NLGN1: variants seen among roughly 807,000 people sequenced by gnomAD.
The protein encoded by NLGN1 is neuroligin 1, also known as neuroligin-1.
In NLGN1, 12 loss-of-function variants were observed where a neutral mutation model predicts 65.5. The observed-to-expected ratio is 0.18, with a 90% confidence interval of 0.12 to 0.30. NLGN1 has a LOEUF of 0.30. Ranked by LOEUF, NLGN1 falls within the 10% of genes least tolerant of loss-of-function variation. The probability of loss-of-function intolerance (pLI) is 1.00; values close to 1 mark genes in which losing one functional copy is unlikely to be tolerated. For missense variants in NLGN1, 750 were observed against 1,007.1 expected (o/e 0.74, Z 3.46); for synonymous variants, 350 against 359.5 (o/e 0.97, Z 0.30).
chr3:174,293,691 G>T, the NLGN1 span, among the ~76,000 whole-genome samples: 1 of 151,552 alleles, frequency 6.6e-6, no homozygotes, highest in Non-Finnish European at 1.5e-5. Context: ...TAGATTCAGG[G>T]GTGAGAGGAA....
At chr3:174,248,715 C>T (rs182484720) in intron 4 of NLGN1, among the ~76,000 whole-genome samples, 7 of 152,168 alleles carry the variant, frequency 4.6e-5, no homozygotes, top group African/African-American at 1.7e-4. Context: ...GGGCCGAGAT[C>T]GTGCCACTGC....
At chr3:173,655,970 G>A (rs1759961620) in intron 3 of NLGN1, among the ~76,000 whole-genome samples, 1 of 152,072 alleles carries the variant, frequency 6.6e-6, no homozygotes, top group Non-Finnish European at 1.5e-5. Context: ...AGTGGCAGTG[G>A]GCCCAAGCAT....
chr3:173,605,910 CT>C (rs1344609046), intron 3 of NLGN1, among the ~76,000 whole-genome samples: 2 of 152,024 alleles, frequency 1.3e-5, no homozygotes, highest in African/African-American at 4.8e-5. Flanking sequence ...CAAAACAATG[CT>C]GTCTTAGGAA....
At chr3:173,943,999 A>G (rs985514254) in intron 4 of NLGN1, among the ~76,000 whole-genome samples, 2 of 152,220 alleles carry the variant, frequency 1.3e-5, no homozygotes, top group African/African-American at 4.8e-5. Context: ...ATGAGTGACT[A>G]TTTGACAGAC....
chr3:173,991,802 G>T (rs180756464), intron 4 of NLGN1, among the ~76,000 whole-genome samples: 2,189 of 152,036 alleles, frequency 0.014, 35 homozygotes, highest in African/African-American at 0.044. Context: ...GTGTTTTTTT[G>T]TTGTTGTTGT....
At chr3:173,502,932 A>C (rs1418957643) in intron 2 of NLGN1, among the ~76,000 whole-genome samples, 1 of 152,106 alleles carries the variant, frequency 6.6e-6, no homozygotes, top group Non-Finnish European at 1.5e-5. Flanking sequence ...TAGTTACATA[A>C]ACTAAAGTTG....
At chr3:174,226,661 A>G (rs1739763961) in intron 4 of NLGN1, among the ~76,000 whole-genome samples, 1 of 152,162 alleles carries the variant, frequency 6.6e-6, no homozygotes, top group African/African-American at 2.4e-5. Flanking sequence ...CTTTTTAAGT[A>G]TTTTACAACA....
intron 2 of NLGN1, among the ~76,000 whole-genome samples, chr3:173,445,874 G>A (rs1172122802): frequency 6.6e-6 from 1 of 152,086 alleles, no homozygotes; most frequent in African/African-American, 2.4e-5. Context: ...CAATATGATT[G>A]CTCTTCTTTA....
chr3:174,272,665 G>GGATGGATAGATAGATA (rs1467184414), intron 4 of NLGN1, among the ~76,000 whole-genome samples: 12 of 116,656 alleles, frequency 1.0e-4, no homozygotes, highest in South Asian at 5.7e-4. Flanking sequence ...ATGGATGGAT[G>GGATGGATAGATAGATA]GATAGATAGA....
intron 4 of NLGN1, among the ~76,000 whole-genome samples, chr3:174,002,003 T>G (rs1415518231): frequency 6.8e-6 from 1 of 147,822 alleles, no homozygotes; most frequent in African/African-American, 2.5e-5. Context: ...AATATGGGAG[T>G]CATGGATGAA....
At chr3:173,657,726 C>A (rs1318164538) in intron 3 of NLGN1, among the ~76,000 whole-genome samples, 4 of 151,794 alleles carry the variant, frequency 2.6e-5, no homozygotes. Flanking sequence ...AGCCCCAGAT[C>A]TGGTTACTTT....
intron 2 of NLGN1, among the ~76,000 whole-genome samples, chr3:173,569,902 C>T (rs895189950): frequency 3.3e-5 from 5 of 151,330 alleles, no homozygotes; most frequent in African/African-American, 1.2e-4. Flanking sequence ...TAGCAGATAG[C>T]ATTCATTCAT....
At chr3:173,911,626 G>A (rs988078067) in intron 4 of NLGN1, among the ~76,000 whole-genome samples, 2 of 152,170 alleles carry the variant, frequency 1.3e-5, no homozygotes, top group African/African-American at 4.8e-5. Context: ...AGTTGCGATG[G>A]CAACAATAGT....
At chr3:173,500,802 C>T (rs78821028) in intron 2 of NLGN1, among the ~76,000 whole-genome samples, 1,881 of 152,116 alleles carry the variant, frequency 0.012, 51 homozygotes, top group African/African-American at 0.043. Flanking sequence ...TGGGTTTAGT[C>T]CCCTTGCTAC....
At chr3:174,233,959 G>C (rs1361134264) in intron 4 of NLGN1, among the ~76,000 whole-genome samples, 2 of 152,022 alleles carry the variant, frequency 1.3e-5, no homozygotes, top group African/African-American at 4.8e-5. Context: ...TTGACATACA[G>C]TTTCTTTTTC....
intron 4 of NLGN1, among the ~76,000 whole-genome samples, chr3:174,257,563 G>T (rs998191270): frequency 2.0e-5 from 3 of 152,088 alleles, no homozygotes; most frequent in Non-Finnish European, 4.4e-5. Context: ...ATAGGCCATG[G>T]AATACTATGC....
intron 4 of NLGN1, among the ~76,000 whole-genome samples, chr3:173,971,890 C>T (rs1481345332): frequency 1.3e-5 from 2 of 151,976 alleles, no homozygotes; most frequent in Non-Finnish European, 1.5e-5. Flanking sequence ...TGGCCTTAGG[C>T]TACTGGCCTA....
intron 2 of NLGN1, among the ~76,000 whole-genome samples, chr3:173,558,702 AG>A (rs1362289956): frequency 6.6e-6 from 1 of 152,032 alleles, no homozygotes; most frequent in African/African-American, 2.4e-5. Context: ...TTAAAATCAT[AG>A]TTATAATGGT....
chr3:174,011,144 A>T (rs1248639420), intron 4 of NLGN1, among the ~76,000 whole-genome samples: 1 of 152,208 alleles, frequency 6.6e-6, no homozygotes, highest in East Asian at 1.9e-4. Context: ...TGTGGACAAC[A>T]TACTTTTATT....
Sources: allele counts gnomAD v4.1 joint callset (sites outside exome capture counted in the v4.1 genomes callset), GRCh38; gene constraint gnomAD v4.1.1; transcripts MANE v1.5; gene names NCBI Gene and HGNC (gene_info 2026-07-23, HGNC 2026-07-21).